COL9A1: variants seen among roughly 807,000 people sequenced by gnomAD.
COL9A1 encodes the protein collagen alpha-1(IX) chain.
A neutral mutation model predicts 142.6 loss-of-function variants in COL9A1; 104 were observed. The ratio of observed to expected loss-of-function variants is 0.73; its 90% CI spans 0.62 to 0.86. The LOEUF (loss-of-function observed/expected upper bound fraction) is 0.86. Among genes scored for constraint, COL9A1 ranks in the 40% least tolerant of loss-of-function variants. COL9A1 has a pLI of 0.00. For synonymous variants in COL9A1, 466 were observed against 396.0 expected, an observed-to-expected ratio of 1.18 and a Z score of -2.10; for missense variants, 1,210 against 1,176.6, an observed-to-expected ratio of 1.03 and a Z score of -0.42.
Position 70,300,037 on chromosome 6 carries a change from G to A in COL9A1, c.299+6C>T. The A allele has an allele frequency of 6.2e-7, 1 of 1,613,196 alleles. No individual in the cohort carries two copies. The highest frequency in any genetic ancestry group is 8.5e-7 in the Non-Finnish European group (1 of 1,179,302). Reference sequence around the variant, plus strand: ...TAATTAGATTAAAATATTTTTGATAGATTACCTAGTTGGAATCCTGAAGTC... The same window carrying A: ...TAATTAGATTAAAATATTTTTGATAAATTACCTAGTTGGAATCCTGAAGTC... On this transcript the variant is annotated splice_donor_region_variant and intron_variant, in intron 4 of 37. Coordinates refer to ENST00000357250, the MANE Select transcript of COL9A1 (RefSeq NM_001851.6).
At chr6:70,221,785 C>CAG (rs1378565954) in intron 37 of COL9A1, among the ~76,000 whole-genome samples, 1 of 152,128 alleles carries the variant, frequency 6.6e-6, no homozygotes, top group African/African-American at 2.4e-5. Context: ...TTAAAATTCT[C>CAG]AGAGTGACGA....
At chr6:70,277,613 C>T (rs1406338463) in intron 10 of COL9A1, among the ~76,000 whole-genome samples, 2 of 152,156 alleles carry the variant, frequency 1.3e-5, no homozygotes, top group Non-Finnish European at 2.9e-5. Flanking sequence ...AAAACCAGTC[C>T]TCAATGGAGA....
chr6:70,283,334 G>A (rs2127599511), intron 6 of COL9A1: 1 of 1,084,594 alleles, frequency 9.2e-7, no homozygotes, highest in Middle Eastern at 3.1e-4. Context: ...CACAGGCGAG[G>A]ACTGAGCACG....
chr6:70,270,169 C>A (rs183246271), intron 15 of COL9A1, 145 bp downstream of exon 15: 2 of 746,212 alleles, frequency 2.7e-6, no homozygotes, highest in East Asian at 2.5e-5. Context: ...CAGAACCATG[C>A]CCTTGAGTGC....
intron 10 of COL9A1, among the ~76,000 whole-genome samples, chr6:70,278,424 A>G (rs560826353): frequency 8.1e-4 from 124 of 152,330 alleles, no homozygotes; most frequent in African/African-American, 2.8e-3. Context: ...GTAATATTAG[A>G]CTAATCTACT....
intron 7 of COL9A1, among the ~76,000 whole-genome samples, chr6:70,282,536 AGCAAGGCCTGCT>A (rs1773228154): frequency 6.9e-6 from 1 of 144,300 alleles, no homozygotes. Flanking sequence ...CGCCTTTTCC[AGCAAGGCCTGCT>A]GTTGACAGTG....
In COL9A1 at chr6:70,300,183, A is replaced by C; in HGVS notation, c.167-8T>G. ...GAGAGATCAGATCAAACCCTATAGA[A>C]TGGGAATACAAAATGAAAAGTCTAA... On this transcript the variant is annotated splice_polypyrimidine_tract_variant and splice_region_variant and intron_variant, in intron 3 of 37. Transcript: ENST00000357250. 6.2e-7 allele frequency: 1 copy of C among 1,613,786 alleles called. No homozygotes were observed. The highest frequency in any genetic ancestry group is 8.5e-7 in the Non-Finnish European group (1 of 1,179,848).
intron 5 of COL9A1, among the ~76,000 whole-genome samples, chr6:70,291,648 T>C (rs1281922337): frequency 6.6e-6 from 1 of 152,180 alleles, no homozygotes; most frequent in Admixed American, 6.5e-5. Flanking sequence ...TCTGAAGACA[T>C]GTTTTATACT....
At chr6:70,225,015 G>A (rs1769134992) in intron 37 of COL9A1, among the ~76,000 whole-genome samples, 1 of 152,212 alleles carries the variant, frequency 6.6e-6, no homozygotes, top group South Asian at 2.1e-4. Flanking sequence ...GCCTCTGGCA[G>A]AATTAGAAAA....
chr6:70,251,764 G>T (rs1770960772), intron 28 of COL9A1, among the ~76,000 whole-genome samples: 1 of 152,092 alleles, frequency 6.6e-6, no homozygotes, highest in Non-Finnish European at 1.5e-5. Context: ...AAACTTGATT[G>T]GGGTGATGGT....
chr6:70,269,380 C>T (rs924570329), intron 16 of COL9A1, among the ~76,000 whole-genome samples: 1 of 152,114 alleles, frequency 6.6e-6, no homozygotes, highest in African/African-American at 2.4e-5. Flanking sequence ...CCTGGATGCT[C>T]TAGTGAAAAG....
intron 21 of COL9A1, among the ~76,000 whole-genome samples, chr6:70,256,195 G>T (rs1771282209): frequency 6.6e-6 from 1 of 152,152 alleles, no homozygotes; most frequent in African/African-American, 2.4e-5. Flanking sequence ...TCTAGCATTT[G>T]ATCTTGTATA....
chr6:70,262,414 CT>C (rs1771746656), intron 19 of COL9A1, among the ~76,000 whole-genome samples: 1 of 152,178 alleles, frequency 6.6e-6, no homozygotes, highest in African/African-American at 2.4e-5. Context: ...ACACATTAAT[CT>C]GCACAGCTCG....
chr6:70,279,140 T>C (rs1036612842), intron 10 of COL9A1, among the ~76,000 whole-genome samples: 1 of 152,224 alleles, frequency 6.6e-6, no homozygotes, highest in South Asian at 2.1e-4. Flanking sequence ...TAAAGGCTGA[T>C]TGAAATTTCA....
intron 18 of COL9A1, among the ~76,000 whole-genome samples, chr6:70,265,688 A>G (rs573566730): frequency 3.9e-5 from 6 of 152,200 alleles, no homozygotes; most frequent in African/African-American, 1.4e-4. Flanking sequence ...TTAGGAACCC[A>G]GCTGTTATAT....
intron 14 of COL9A1, among the ~76,000 whole-genome samples, chr6:70,271,131 G>A (rs1231694805): frequency 1.3e-5 from 2 of 152,210 alleles, no homozygotes; most frequent in Non-Finnish European, 2.9e-5. Flanking sequence ...CCCACAGTGA[G>A]TTTACAATTA....
chr6:70,285,150 T>C (rs1259328106), intron 5 of COL9A1, among the ~76,000 whole-genome samples: 2 of 152,266 alleles, frequency 1.3e-5, no homozygotes, highest in East Asian at 3.8e-4. Flanking sequence ...TGTAATTCTC[T>C]CTGGATAAAC....
intron 20 of COL9A1, 26 bp downstream of exon 20, chr6:70,260,628 GTAT>G (rs769972935): frequency 8.1e-6 from 13 of 1,599,478 alleles, no homozygotes; most frequent in Middle Eastern, 3.3e-4. Context: ...ACACATTTTG[GTAT>G]TATATTATTG....
intron 10 of COL9A1, 77 bp downstream of exon 10, chr6:70,280,735 C>T: frequency 6.7e-7 from 1 of 1,485,472 alleles, no homozygotes; most frequent in South Asian, 1.2e-5. Context: ...CTCTCCCTCC[C>T]CCCCCACAAA....
Sources: gnomAD v4.1 joint callset for allele counts (sites outside exome capture counted in the v4.1 genomes callset) on GRCh38, gnomAD v4.1.1 for gene constraint, MANE v1.5 for transcripts, NCBI Gene and HGNC (gene_info 2026-07-23, HGNC 2026-07-21) for gene names.